Variants in RANBP10 observed in about 807,000 individuals in gnomAD.
RANBP10 encodes the protein RAN binding protein 10, also known as ran-binding protein 10.
In RANBP10, 24 loss-of-function variants were observed where a neutral mutation model predicts 72.8. That is an observed-to-expected ratio of 0.33 (90% confidence interval 0.24 to 0.46). RANBP10 has a LOEUF of 0.46. Ranked by LOEUF, RANBP10 falls within the 20% of genes least tolerant of loss-of-function variation. The pLI, the probability that RANBP10 is intolerant of heterozygous loss-of-function variation, is 1.00. For missense variants in RANBP10, 679 were observed against 817.5 expected, an observed-to-expected ratio of 0.83 and a Z score of 2.07; for synonymous variants, 310 against 322.3, an observed-to-expected ratio of 0.96 and a Z score of 0.41.
At chr16:67,751,750 T>C (rs1017805985) in intron 3 of RANBP10, among the ~76,000 whole-genome samples, 4 of 152,130 alleles carry the variant, frequency 2.6e-5, no homozygotes, top group African/African-American at 9.7e-5. Context: ...ACCTCATCTC[T>C]ACTAAAAATA....
In RANBP10 at chr16:67,727,737, G is replaced by A. The variant is rs143407610; in HGVS notation, c.1620+14C>T. On this transcript the variant is annotated intron_variant, in intron 12 of 13. Transcript: ENST00000317506. ...ATGGGGCCTGCTCTGCATGAGGCCC[G>A]GCTCATCCTGTACCTGCAGCATCTC... 6.1e-3 allele frequency: 9,813 copies of A among 1,614,042 alleles called. 63 individuals are homozygous for A. Among genetic ancestry groups the A allele is most frequent in the African/African-American group, 0.024 (1,783 of 75,020 alleles).
intron 2 of RANBP10, among the ~76,000 whole-genome samples, chr16:67,775,336 C>T (rs1044473413): frequency 1.3e-5 from 2 of 152,074 alleles, no homozygotes; most frequent in Non-Finnish European, 2.9e-5. Context: ...AAAAACCCCA[C>T]AGCTAACATC....
intron 2 of RANBP10, among the ~76,000 whole-genome samples, chr16:67,800,527 C>T (rs1218724456): frequency 2.0e-5 from 3 of 152,194 alleles, no homozygotes; most frequent in Non-Finnish European, 2.9e-5. Context: ...TGCCTGCAGA[C>T]ATTGCTCCTC....
In RANBP10 at chr16:67,763,958, A is replaced by G. The variant is rs1260830955; in HGVS notation, c.400+8076T>C. ...ATGATTCTCCTGCCTCGGCCGCCCA[A>G]AGTGCTGGGATTACAGGCATGAGCC... is the stretch of plus-strand genomic sequence containing the variant. On this transcript the variant is annotated intron_variant, in intron 3 of 13. Coordinates refer to ENST00000317506, the MANE Select transcript of RANBP10 (RefSeq NM_020850.3). Among the ~76,000 whole-genome samples, 3 of 152,148 alleles carry G rather than the reference A, an allele frequency of 2.0e-5. No homozygotes were observed. In the East Asian group the frequency reaches 5.8e-4, roughly 29 times the overall value.
chr16:67,760,761 G>A (rs1049772620), intron 3 of RANBP10, among the ~76,000 whole-genome samples: 2 of 152,174 alleles, frequency 1.3e-5, no homozygotes, highest in East Asian at 1.9e-4. Context: ...CACACCGAGC[G>A]AACAGCTGCC....
chr16:67,785,731 C>CAAAAAAAAAAAAAA (rs61683439), intron 2 of RANBP10, among the ~76,000 whole-genome samples: 12 of 71,758 alleles, frequency 1.7e-4, no homozygotes, highest in African/African-American at 4.8e-4. Context: ...GACTCCATCT[C>CAAAAAAAAAAAAAA]AAAAAAAAAA....
intron 3 of RANBP10, among the ~76,000 whole-genome samples, chr16:67,749,594 C>T (rs1176413459): frequency 6.6e-6 from 1 of 152,242 alleles, no homozygotes; most frequent in African/African-American, 2.4e-5. Flanking sequence ...AGCTCCTAAG[C>T]TCACCAGGCC....
chr16:67,765,793 G>A (rs1285630292), intron 3 of RANBP10, among the ~76,000 whole-genome samples: 1 of 152,000 alleles, frequency 6.6e-6, no homozygotes, highest in Non-Finnish European at 1.5e-5. Context: ...CCGAGATCGC[G>A]CCACTGCATT....
At chr16:67,770,610 C>G (rs1240227838) in intron 3 of RANBP10, among the ~76,000 whole-genome samples, 4 of 152,114 alleles carry the variant, frequency 2.6e-5, no homozygotes. Flanking sequence ...GTCAGGGAAG[C>G]CTGGATCATG....
intron 2 of RANBP10, among the ~76,000 whole-genome samples, chr16:67,779,400 GAAA>G (rs1055918400): frequency 1.0e-5 from 1 of 95,720 alleles, no homozygotes; most frequent in African/African-American, 3.9e-5. Context: ...TTGTCTCAAA[GAAA>G]AAAAAAAAAA....
chr16:67,740,406 T>C (rs185820908), intron 4 of RANBP10, among the ~76,000 whole-genome samples: 1 of 152,260 alleles, frequency 6.6e-6, no homozygotes, highest in East Asian at 1.9e-4. Flanking sequence ...GCCCGGCAGA[T>C]AAAGTCTTAT....
chr16:67,737,380 T>G (rs924691635), intron 5 of RANBP10, among the ~76,000 whole-genome samples: 2 of 151,740 alleles, frequency 1.3e-5, no homozygotes, highest in Non-Finnish European at 2.9e-5. Flanking sequence ...TTTTTTGTAT[T>G]TTTAGTAGAG....
intron 2 of RANBP10, among the ~76,000 whole-genome samples, chr16:67,777,497 C>A (rs1051071878): frequency 2.6e-5 from 4 of 152,022 alleles, no homozygotes; most frequent in African/African-American, 9.7e-5. Flanking sequence ...GATCGCGCCA[C>A]TGCACTCCAG....
chr16:67,758,312 G>A (rs780873734), intron 3 of RANBP10, among the ~76,000 whole-genome samples: 6 of 152,222 alleles, frequency 3.9e-5, no homozygotes, highest in Non-Finnish European at 7.3e-5. Flanking sequence ...CTGCAAAACT[G>A]AGGTGCAACA....
intron 2 of RANBP10, among the ~76,000 whole-genome samples, chr16:67,800,872 C>G (rs2055223758): frequency 6.6e-6 from 1 of 152,142 alleles, no homozygotes; most frequent in African/African-American, 2.4e-5. Context: ...CTCATTCCTC[C>G]CAACTGTTCC....
chr16:67,727,415 G>A lies in RANBP10; in HGVS notation c.1644C>T (p.Tyr548=). The change falls in exon 13 of 14, where the codon TAC becomes TAT. Residue 548 remains tyrosine, a synonymous_variant. Transcript: ENST00000317506. ...MLQDAFSLLA[Y]SDPWSCPVGQ... ...CAACTGGGCAGCTCCAGGGGTCTGA[G>A]TATGCCAGCAGGCTGAAGGCATCCT... The A allele has an allele frequency of 6.2e-7, 1 of 1,613,928 alleles. No homozygotes were observed. The highest frequency in any genetic ancestry group is 2.2e-5 in the East Asian group (1 of 44,884).
intron 2 of RANBP10, among the ~76,000 whole-genome samples, chr16:67,775,079 A>G (rs2054676061): frequency 6.6e-6 from 1 of 152,198 alleles, no homozygotes; most frequent in Non-Finnish European, 1.5e-5. Flanking sequence ...TGGGAGGCTG[A>G]GGCGGGTGGA....
At chr16:67,737,654 C>A (rs1435488148) in intron 5 of RANBP10, among the ~76,000 whole-genome samples, 1 of 151,986 alleles carries the variant, frequency 6.6e-6, no homozygotes, top group East Asian at 1.9e-4. Context: ...GGTTCCCTCA[C>A]AGTTCAGGAA....
chr16:67,800,255 G>A (rs779448998), intron 2 of RANBP10, among the ~76,000 whole-genome samples: 4 of 152,214 alleles, frequency 2.6e-5, no homozygotes, highest in African/African-American at 4.8e-5. Context: ...GGCTGGCTGT[G>A]GTCAGAGACC....
Sources: gnomAD v4.1 joint callset for allele counts (sites outside exome capture counted in the v4.1 genomes callset) on GRCh38, gnomAD v4.1.1 for gene constraint, MANE v1.5 for transcripts, NCBI Gene and HGNC (gene_info 2026-07-23, HGNC 2026-07-21) for gene names.